Variants in SMAD3 observed in about 807,000 individuals in gnomAD.
The protein encoded by SMAD3 is SMAD family member 3.
Under a neutral mutation model 51.8 loss-of-function variants are expected in SMAD3, and 12 were observed. That is an observed-to-expected ratio of 0.23 (90% CI 0.15 to 0.38). SMAD3 has a LOEUF of 0.38. Among genes scored for constraint, SMAD3 ranks in the 10% least tolerant of loss-of-function variants. The probability of loss-of-function intolerance (pLI) is 1.00; values close to 1 mark genes in which losing one functional copy is unlikely to be tolerated. For synonymous variants in SMAD3, 238 were observed against 227.7 expected (o/e 1.05, Z -0.41); for missense variants, 294 against 565.6 (o/e 0.52, Z 4.87).
intron 1 of SMAD3, among the ~76,000 whole-genome samples, chr15:67,090,523 G>A (rs1303597267): frequency 6.6e-6 from 1 of 152,110 alleles, no homozygotes; most frequent in Non-Finnish European, 1.5e-5. Context: ...GGAAGAATGG[G>A]GCAGGATGAT....
intron 1 of SMAD3, among the ~76,000 whole-genome samples, chr15:67,161,770 T>C (rs1236714385): frequency 1.3e-5 from 2 of 152,156 alleles, no homozygotes; most frequent in African/African-American, 2.4e-5. Context: ...CACTTTCAAA[T>C]GGAAACCAAG....
At chr15:67,105,923 A>T (rs987512800) in intron 1 of SMAD3, among the ~76,000 whole-genome samples, 14 of 152,156 alleles carry the variant, frequency 9.2e-5, no homozygotes, top group African/African-American at 3.4e-4. Context: ...CCGTCTGCAC[A>T]GCCTCCTCCA....
chr15:67,180,335 G>C (rs1476254328), intron 5 of SMAD3, among the ~76,000 whole-genome samples: 2 of 152,028 alleles, frequency 1.3e-5, no homozygotes, highest in Admixed American at 6.5e-5. Flanking sequence ...GGCAAGAGGA[G>C]GGCGAGGAGG....
chr15:67,162,857 A>G (rs1962466148), intron 1 of SMAD3, among the ~76,000 whole-genome samples: 1 of 151,962 alleles, frequency 6.6e-6, no homozygotes, highest in African/African-American at 2.4e-5. Flanking sequence ...CCAGTCCTTC[A>G]GCAAAGTGGG....
chr15:67,125,914 CGACATTCCCACAGGATGG>C, intron 1 of SMAD3: 1 of 985,444 alleles, frequency 1.0e-6, no homozygotes. Flanking sequence ...CCACAGGATG[CGACATTCCCACAGGATGG>C]GACAACTGCA....
intron 5 of SMAD3, chr15:67,174,184 T>A (rs1465720588): frequency 1.3e-5 from 2 of 152,460 alleles, no homozygotes; most frequent in African/African-American, 2.4e-5. Context: ...CTGAGGAGCC[T>A]GCAGAAGGAG....
At chr15:67,177,645 A>C (rs1471427022) in intron 5 of SMAD3, among the ~76,000 whole-genome samples, 2 of 151,816 alleles carry the variant, frequency 1.3e-5, no homozygotes, top group Non-Finnish European at 2.9e-5. Context: ...CTGGTCTCGA[A>C]ATCCTGACCT....
intron 1 of SMAD3, among the ~76,000 whole-genome samples, chr15:67,114,875 T>C (rs973746329): frequency 8.5e-5 from 13 of 152,310 alleles, no homozygotes; most frequent in Admixed American, 8.5e-4. Flanking sequence ...AAAAGCACTC[T>C]CTGCACAGTC....
At chr15:67,187,099 C>A in intron 7 of SMAD3, 1 of 636,262 alleles carries the variant, frequency 1.6e-6, no homozygotes, top group Non-Finnish European at 2.9e-6. Flanking sequence ...GGAGTCGGAG[C>A]TTGTGGGCCA....
chr15:67,145,092 T>C (rs188006599), intron 1 of SMAD3, among the ~76,000 whole-genome samples: 1 of 152,314 alleles, frequency 6.6e-6, no homozygotes, highest in Non-Finnish European at 1.5e-5. Flanking sequence ...CCATATCCAT[T>C]GTTCAGTCAC....
rs138471255 is a variant in SMAD3, at chr15:67,151,531, C to G, written c.207-13364C>G. Among the ~76,000 whole-genome samples, 142 of 152,252 alleles carry G rather than the reference C, an allele frequency of 9.3e-4. 4 individuals carry two copies. The East Asian group carries it at 0.027, about 29-fold the overall frequency. On this transcript the variant is annotated intron_variant, in intron 1 of 8. Coordinates refer to ENST00000327367, the MANE Select transcript of SMAD3 (RefSeq NM_005902.4). ...TATTTTTAGTAGAGACAGGGTTTCA[C>G]TATGTTGGCCAGGCTGGTCTCGAAC...
intron 1 of SMAD3, among the ~76,000 whole-genome samples, chr15:67,085,071 G>C (rs1258680802): frequency 1.3e-5 from 2 of 152,190 alleles, no homozygotes; most frequent in Non-Finnish European, 2.9e-5. Flanking sequence ...AATCTTTAAA[G>C]AGAAGCACTA....
intron 1 of SMAD3, among the ~76,000 whole-genome samples, chr15:67,066,567 A>G (rs1003008773): frequency 6.6e-6 from 1 of 152,242 alleles, no homozygotes; most frequent in African/African-American, 2.4e-5. Context: ...TGCAAAGATC[A>G]GAGCCCGAGG....
chr15:67,127,892 G>A (rs1961431336), intron 1 of SMAD3, among the ~76,000 whole-genome samples: 1 of 152,216 alleles, frequency 6.6e-6, no homozygotes, highest in Admixed American at 6.5e-5. Context: ...TGAAGCTGGG[G>A]GGAGCTGAGC....
chr15:67,135,572 C>T (rs1961639326), intron 1 of SMAD3, among the ~76,000 whole-genome samples: 1 of 151,258 alleles, frequency 6.6e-6, no homozygotes, highest in African/African-American at 2.4e-5. Context: ...AAAAACTTTT[C>T]TTCCCTGTAA....
intron 4 of SMAD3, among the ~76,000 whole-genome samples, chr15:67,167,963 C>A (rs1311608550): frequency 6.6e-6 from 1 of 152,184 alleles, no homozygotes; most frequent in African/African-American, 2.4e-5. Flanking sequence ...TTCCTTCCCC[C>A]ACCTTTCCCA....
chr15:67,145,249 A>C (rs1322086953), intron 1 of SMAD3, among the ~76,000 whole-genome samples: 2 of 152,228 alleles, frequency 1.3e-5, no homozygotes, highest in Non-Finnish European at 2.9e-5. Flanking sequence ...CTCAGCAAGC[A>C]GGAGTGACTC....
chr15:67,177,854 G>A (rs188938401), intron 5 of SMAD3, among the ~76,000 whole-genome samples: 159 of 152,254 alleles, frequency 1.0e-3, no homozygotes, highest in Non-Finnish European at 2.0e-3. Flanking sequence ...AGGCATGGTG[G>A]GCGGGAGGGA....
intron 5 of SMAD3, among the ~76,000 whole-genome samples, chr15:67,179,054 G>A (rs1262123003): frequency 2.0e-5 from 3 of 152,146 alleles, no homozygotes; most frequent in East Asian, 1.9e-4. Flanking sequence ...TTTGATGCGC[G>A]CCCTGCACCT....
Sources: allele counts gnomAD v4.1 joint callset (sites outside exome capture counted in the v4.1 genomes callset), GRCh38; gene constraint gnomAD v4.1.1; transcripts MANE v1.5; gene names NCBI Gene and HGNC (gene_info 2026-07-23, HGNC 2026-07-21).